ERICH6B: variants seen among roughly 807,000 people sequenced by gnomAD.
ERICH6B encodes the protein glutamate-rich protein 6B.
Under a neutral mutation model 80.0 loss-of-function variants are expected in ERICH6B, and 69 were observed. The observed-to-expected ratio is 0.86, with a 90% confidence interval of 0.71 to 1.05. The LOEUF (loss-of-function observed/expected upper bound fraction) is 1.05. ERICH6B is among the 50% of genes least tolerant of loss of function. The pLI is 0.00. For missense variants in ERICH6B, 754 were observed against 796.1 expected (o/e 0.95, Z 0.64); for synonymous variants, 283 against 291.9 (o/e 0.97, Z 0.31).
chr13:45,552,079 T>G (rs753651630), intron 11 of ERICH6B, among the ~76,000 whole-genome samples: 3 of 152,236 alleles, frequency 2.0e-5, no homozygotes, highest in Non-Finnish European at 4.4e-5. Flanking sequence ...TTTTCAGATT[T>G]GACACACAAG....
intron 7 of ERICH6B, among the ~76,000 whole-genome samples, chr13:45,578,029 G>C (rs533231895): frequency 1.3e-5 from 2 of 152,188 alleles, no homozygotes; most frequent in Admixed American, 6.5e-5. Context: ...CTTTAGTCAG[G>C]CTCCCGAATC....
chr13:45,606,547 ATTTTTTTT>A (rs71074722), intron 2 of ERICH6B, among the ~76,000 whole-genome samples: 243 of 16,518 alleles, frequency 0.015, 1 homozygote, highest in South Asian at 0.042. Flanking sequence ...ATATATATAT[ATTTTTTTT>A]TTTTTTTTTT....
At chr13:45,561,972 G>A (rs1874701626) in intron 10 of ERICH6B, among the ~76,000 whole-genome samples, 1 of 152,212 alleles carries the variant, frequency 6.6e-6, no homozygotes, top group Admixed American at 6.5e-5. Context: ...TAAAATGGAA[G>A]TGTATATTAA....
chr13:45,580,533 T>C (rs1875610976), intron 6 of ERICH6B, 70 bp downstream of exon 6: 1 of 1,501,266 alleles, frequency 6.7e-7, no homozygotes, highest in Non-Finnish European at 9.1e-7. Flanking sequence ...AGGCTAATTC[T>C]GTGCTTCTTA....
intron 2 of ERICH6B, among the ~76,000 whole-genome samples, chr13:45,597,729 TA>T (rs1254282564): frequency 6.6e-6 from 1 of 152,236 alleles, no homozygotes; most frequent in Non-Finnish European, 1.5e-5. Flanking sequence ...ATGTCCTCTA[TA>T]TTTTTTTTAT....
At chr13:45,563,660 G>A (rs1874789255) in intron 10 of ERICH6B, 67 bp downstream of exon 10, 2 of 1,370,756 alleles carry the variant, frequency 1.5e-6, no homozygotes, top group South Asian at 2.5e-5. Flanking sequence ...ACATGCAGAA[G>A]GGGAGAGGCG....
rs3084021 is a variant in ERICH6B, at chr13:45,574,807, CTGG to C, written c.1050+32_1050+34del. ...TGGGCCACCCTACATTTGGAGGAAG[CTGG>C]GGGGGGGGTCTCAAGTTTTTATCCA... On this transcript the variant is annotated intron_variant, in intron 8 of 14. Coordinates refer to ENST00000298738, the MANE Select transcript of ERICH6B (RefSeq NM_182542.3). The C allele has an allele frequency of 4.6e-3, 6,731 of 1,472,422 alleles. 275 individuals are homozygous for C. In the African/African-American group the frequency reaches 0.091, roughly 20 times the overall value. The allele number at this position is 1,472,422 out of a possible 1,614,324, so 91.2% of individuals were successfully genotyped here.
In ERICH6B at chr13:45,582,651, C is replaced by T. The variant is rs139925231; in HGVS notation, c.857-1986G>A. On this transcript the variant is annotated intron_variant, in intron 5 of 14. Coordinates refer to ENST00000298738, the MANE Select transcript of ERICH6B (RefSeq NM_182542.3). ...TGTTGTACTGGACAGAGCTCCACGG[C>T]TCTCTGCTGGAAACTGGGTTGACTC... Among the ~76,000 whole-genome samples the T allele has an allele frequency of 2.6e-3, 402 of 152,306 alleles. 2 individuals are homozygous for T. Among genetic ancestry groups the T allele is most frequent in the African/African-American group, 8.9e-3 (372 of 41,566 alleles).
chr13:45,556,844 C>A (rs1272820182), intron 11 of ERICH6B, among the ~76,000 whole-genome samples: 1 of 151,990 alleles, frequency 6.6e-6, no homozygotes, highest in Non-Finnish European at 1.5e-5. Flanking sequence ...TGTTGAAGGG[C>A]ATTTGGGTTG....
intron 2 of ERICH6B, among the ~76,000 whole-genome samples, chr13:45,599,392 C>G (rs1193264145): frequency 6.6e-6 from 1 of 152,106 alleles, no homozygotes; most frequent in Non-Finnish European, 1.5e-5. Context: ...GAGAAAACTG[C>G]AACAAATTTA....
At chr13:45,583,129 T>C (rs938378209) in intron 5 of ERICH6B, among the ~76,000 whole-genome samples, 2 of 152,248 alleles carry the variant, frequency 1.3e-5, no homozygotes, top group Non-Finnish European at 2.9e-5. Flanking sequence ...CTGCTATTTC[T>C]CAACTAATTT....
chr13:45,545,756 G>A (rs1008123829), intron 13 of ERICH6B, among the ~76,000 whole-genome samples: 1 of 152,162 alleles, frequency 6.6e-6, no homozygotes, highest in African/African-American at 2.4e-5. Flanking sequence ...CCTGTGTAGG[G>A]ACACCTGTGT....
At chr13:45,565,244 A>C (rs1874862973) in intron 9 of ERICH6B, among the ~76,000 whole-genome samples, 1 of 151,992 alleles carries the variant, frequency 6.6e-6, no homozygotes, top group Non-Finnish European at 1.5e-5. Context: ...TCCACAGTGG[A>C]AGTCAATCTC....
intron 1 of ERICH6B, among the ~76,000 whole-genome samples, chr13:45,613,282 G>T (rs1478869714): frequency 6.6e-6 from 1 of 152,114 alleles, no homozygotes; most frequent in Non-Finnish European, 1.5e-5. Flanking sequence ...ATCTCTCCTT[G>T]GTGCCTCCAT....
intron 2 of ERICH6B, among the ~76,000 whole-genome samples, chr13:45,602,023 G>C (rs768140046): frequency 2.0e-5 from 3 of 152,200 alleles, no homozygotes; most frequent in Non-Finnish European, 2.9e-5. Context: ...TGTGTGTTGT[G>C]GGTCCTTCTG....
chr13:45,545,117 C>T, intron 13 of ERICH6B, 132 bp from the exon 14 acceptor site: 1 of 766,416 alleles, frequency 1.3e-6, no homozygotes. Context: ...GTAGGAGAAG[C>T]TCCAACATGG....
At chr13:45,565,465 T>C (rs889729098) in intron 9 of ERICH6B, among the ~76,000 whole-genome samples, 1 of 152,186 alleles carries the variant, frequency 6.6e-6, no homozygotes, top group Admixed American at 6.5e-5. Context: ...GCTGGGTGTA[T>C]GTATGATATA....
chr13:45,568,331 A>T lies in ERICH6B; in HGVS notation c.1171T>A (p.Trp391Arg). The T allele has an allele frequency of 5.8e-6, 9 of 1,545,018 alleles. No homozygotes were observed. The highest frequency in any genetic ancestry group is 7.9e-6 in the Non-Finnish European group (9 of 1,144,862). The change falls in exon 9 of 15, where the codon TGG becomes AGG. Residue 391 changes from tryptophan to arginine, a missense_variant. Transcript: ENST00000298738. Reference protein sequence around the residue: ...LTKLLESENRWKLVIMLKKNY... With the variant: ...LTKLLESENRRKLVIMLKKNY... ...GTTACTTACATAATTACCAGTTTCC[A>T]TCTGTTTTCACTTTCCAGTAGCTTA...
In ERICH6B at chr13:45,595,803, C is replaced by T. The variant is rs543833659; in HGVS notation, c.637+566G>A. ...GACCACAGGTGTGTGCCACCACACC[C>T]GACTAAATTTTACAATTTTTTTGTA... On this transcript the variant is annotated intron_variant, in intron 3 of 14. Coordinates refer to ENST00000298738, the MANE Select transcript of ERICH6B (RefSeq NM_182542.3). 1.8e-4 allele frequency among the ~76,000 whole-genome samples: 27 copies of T among 151,672 alleles called. 1 individual carries two copies. In the South Asian group the frequency reaches 4.4e-3, roughly 25 times the overall value.
Sources: gnomAD v4.1 joint callset for allele counts (sites outside exome capture counted in the v4.1 genomes callset) on GRCh38, gnomAD v4.1.1 for gene constraint, MANE v1.5 for transcripts, NCBI Gene and HGNC (gene_info 2026-07-23, HGNC 2026-07-21) for gene names.